KCND2: variants seen among roughly 807,000 people sequenced by gnomAD.
KCND2 encodes A-type voltage-gated potassium channel KCND2.
A neutral mutation model predicts 54.4 loss-of-function variants in KCND2; 16 were observed. The ratio of observed to expected loss-of-function variants is 0.29; its 90% CI spans 0.20 to 0.45. The LOEUF is 0.45. Among genes scored for constraint, KCND2 ranks in the 20% least tolerant of loss-of-function variants. The pLI, the probability that KCND2 is intolerant of heterozygous loss-of-function variation, is 1.00. For synonymous variants in KCND2, 317 were observed against 310.7 expected, an observed-to-expected ratio of 1.02 and a Z score of -0.21; for missense variants, 486 against 824.2, an observed-to-expected ratio of 0.59 and a Z score of 5.02.
chr7:120,344,801 A>G (rs1800290319), intron 1 of KCND2, among the ~76,000 whole-genome samples: 1 of 152,188 alleles, frequency 6.6e-6, no homozygotes, highest in Non-Finnish European at 1.5e-5. Context: ...GCAGTTTTAC[A>G]AGACATGACT....
intron 1 of KCND2, among the ~76,000 whole-genome samples, chr7:120,598,748 T>G (rs1298722705): frequency 6.6e-6 from 1 of 152,194 alleles, no homozygotes; most frequent in Non-Finnish European, 1.5e-5. Context: ...CTTGCAAATG[T>G]TTTCTCCCAA....
intron 1 of KCND2, among the ~76,000 whole-genome samples, chr7:120,703,974 C>T (rs17142908): frequency 0.19 from 28,244 of 152,160 alleles, 3,105 homozygotes; most frequent in African/African-American, 0.3. Context: ...GATGGTTTCC[C>T]TGGCATCTTT....
chr7:120,587,236 C>G (rs1235955582), intron 1 of KCND2, among the ~76,000 whole-genome samples: 4 of 152,086 alleles, frequency 2.6e-5, no homozygotes, highest in African/African-American at 9.7e-5. Flanking sequence ...TCCAAGACTT[C>G]TAATTCAGGC....
At chr7:120,427,858 A>G (rs1044827418) in intron 1 of KCND2, among the ~76,000 whole-genome samples, 1 of 152,160 alleles carries the variant, frequency 6.6e-6, no homozygotes, top group Non-Finnish European at 1.5e-5. Context: ...GACATTTATG[A>G]AAAGTCGTTC....
chr7:120,648,527 A>G (rs1793469246), intron 1 of KCND2, among the ~76,000 whole-genome samples: 2 of 152,178 alleles, frequency 1.3e-5, no homozygotes, highest in African/African-American at 2.4e-5. Context: ...TGGAAGAAGG[A>G]CCCTGAAAGG....
chr7:120,440,501 C>T (rs1313875902), intron 1 of KCND2, among the ~76,000 whole-genome samples: 1 of 151,958 alleles, frequency 6.6e-6, no homozygotes, highest in Admixed American at 6.6e-5. Context: ...GGTGTAATCC[C>T]ATTTGTCTAT....
chr7:120,335,468 C>CTTACTTATTTATTTAT (rs1554428368), intron 1 of KCND2, among the ~76,000 whole-genome samples: 7 of 110,662 alleles, frequency 6.3e-5, no homozygotes, highest in African/African-American at 3.0e-4. Flanking sequence ...TACTTACTTA[C>CTTACTTATTTATTTAT]TTATTTATTT....
chr7:120,307,066 T>C (rs942821150), intron 1 of KCND2, among the ~76,000 whole-genome samples: 12 of 152,106 alleles, frequency 7.9e-5, no homozygotes, highest in African/African-American at 2.7e-4. Context: ...ATACGTTTGC[T>C]TTTAAAATTT....
At chr7:120,602,467 C>T (rs918967359) in intron 1 of KCND2, among the ~76,000 whole-genome samples, 3 of 152,148 alleles carry the variant, frequency 2.0e-5, no homozygotes, top group Admixed American at 6.6e-5. Flanking sequence ...TATGACCCAA[C>T]GTCAGCATTG....
At chr7:120,314,808 C>T (rs1799789281) in intron 1 of KCND2, among the ~76,000 whole-genome samples, 1 of 152,012 alleles carries the variant, frequency 6.6e-6, no homozygotes, top group South Asian at 2.1e-4. Flanking sequence ...TGGATGAATC[C>T]ACATTGAATA....
intron 1 of KCND2, among the ~76,000 whole-genome samples, chr7:120,494,283 A>G (rs888005600): frequency 1.3e-5 from 2 of 152,090 alleles, no homozygotes; most frequent in South Asian, 2.1e-4. Flanking sequence ...ACAGTTTATC[A>G]TGATGCCTTA....
At chr7:120,691,081 A>G (rs1185005326) in intron 1 of KCND2, among the ~76,000 whole-genome samples, 1 of 152,184 alleles carries the variant, frequency 6.6e-6, no homozygotes, top group East Asian at 1.9e-4. Flanking sequence ...GGGGTCTATG[A>G]GGAACAGCCA....
chr7:120,630,722 A>T (rs1359619024), intron 1 of KCND2, among the ~76,000 whole-genome samples: 3 of 152,182 alleles, frequency 2.0e-5, no homozygotes, highest in Non-Finnish European at 4.4e-5. Flanking sequence ...CTTAAAAGGT[A>T]TTGAGTCATG....
At chr7:120,622,705 TCTCTCTCTCTCACACA>T (rs1052300880) in intron 1 of KCND2, among the ~76,000 whole-genome samples, 5 of 146,842 alleles carry the variant, frequency 3.4e-5, no homozygotes, top group African/African-American at 5.2e-5. Context: ...TCTCTCTCTC[TCTCTCTCTCTCACACA>T]CACACACACA....
intron 1 of KCND2, among the ~76,000 whole-genome samples, chr7:120,498,009 T>C (rs1802875091): frequency 6.6e-6 from 1 of 152,192 alleles, no homozygotes; most frequent in Non-Finnish European, 1.5e-5. Flanking sequence ...AACAAGATCT[T>C]AATGATTTTT....
intron 1 of KCND2, among the ~76,000 whole-genome samples, chr7:120,671,114 C>T (rs766998898): frequency 2.0e-5 from 3 of 151,894 alleles, no homozygotes; most frequent in Non-Finnish European, 2.9e-5. Context: ...AGATAAGATT[C>T]GTTTTCTTTT....
chr7:120,394,305 G>A (rs1801121175), intron 1 of KCND2, among the ~76,000 whole-genome samples: 1 of 151,922 alleles, frequency 6.6e-6, no homozygotes, highest in South Asian at 2.1e-4. Context: ...ATAGGGGTGT[G>A]GAAAAGGGTC....
At chr7:120,484,487 T>TATATA (rs1321347498) in intron 1 of KCND2, among the ~76,000 whole-genome samples, 3 of 150,348 alleles carry the variant, frequency 2.0e-5, no homozygotes, top group South Asian at 2.1e-4. Flanking sequence ...CAAATATTTT[T>TATATA]ATATAATATA....
At chr7:120,718,879 T>A (rs532796980) in intron 1 of KCND2, among the ~76,000 whole-genome samples, 42 of 152,254 alleles carry the variant, frequency 2.8e-4, no homozygotes, top group Non-Finnish European at 4.6e-4. Context: ...CTTGGTTGTC[T>A]GGAAAGTAGA....
Sources: gnomAD v4.1 joint callset for allele counts (sites outside exome capture counted in the v4.1 genomes callset) on GRCh38, gnomAD v4.1.1 for gene constraint, MANE v1.5 for transcripts, NCBI Gene and HGNC (gene_info 2026-07-23, HGNC 2026-07-21) for gene names.